The following MKLN1 variants were observed in gnomAD, a reference collection of about 807,000 sequenced individuals.
MKLN1 encodes muskelin 1.
A neutral mutation model predicts 99.0 loss-of-function variants in MKLN1; 18 were observed. The observed-to-expected ratio is 0.18, with a 90% CI of 0.13 to 0.27. MKLN1 has a LOEUF of 0.27. Ranked by LOEUF, MKLN1 falls within the 10% of genes least tolerant of loss-of-function variation. The probability of loss-of-function intolerance (pLI) is 1.00; values close to 1 mark genes in which losing one functional copy is unlikely to be tolerated. For synonymous variants in MKLN1, 288 were observed against 293.2 expected, an observed-to-expected ratio of 0.98 and a Z score of 0.18; for missense variants, 621 against 875.9, an observed-to-expected ratio of 0.71 and a Z score of 3.67.
chr7:131,327,974 C>G lies in MKLN1; in HGVS notation c.75C>G (p.Ser25=). 1 of 1,613,930 alleles carries G rather than the reference C, an allele frequency of 6.2e-7. No individual in the cohort carries two copies. Among genetic ancestry groups the G allele is most frequent in the East Asian group, 2.2e-5 (1 of 44,868 alleles). ...LLPYALHKWS[S]FSSTYLPENI... ...CCTACGCGCTACACAAGTGGAGCTC[C>G]TTTTCCTCCACCTACCTTCCCGAGT... Residue 25 remains serine (S), a synonymous_variant, in exon 1 of 18, where the codon TCC becomes TCG. Coordinates refer to ENST00000352689, the MANE Select transcript of MKLN1 (RefSeq NM_013255.5).
chr7:131,130,345 G>A (rs1795530656), intron 1 of MKLN1, among the ~76,000 whole-genome samples: 1 of 152,198 alleles, frequency 6.6e-6, no homozygotes, highest in East Asian at 1.9e-4. Flanking sequence ...GTTTGGTTAG[G>A]GAAAGAAAGT....
intron 5 of MKLN1, among the ~76,000 whole-genome samples, chr7:131,398,694 A>AAAAG (rs1794434670): frequency 6.6e-6 from 1 of 150,662 alleles, no homozygotes; most frequent in Non-Finnish European, 1.5e-5. Flanking sequence ...CTGTCTCAAA[A>AAAAG]AAAGAAAGAA....
At chr7:131,283,322 C>G (rs1241336428) in intron 3 of MKLN1, among the ~76,000 whole-genome samples, 1 of 96,512 alleles carries the variant, frequency 1.0e-5, no homozygotes, top group African/African-American at 5.0e-5. Flanking sequence ...TCCCTCCCTC[C>G]CTCCCTCCTT....
chr7:131,326,485 T>C (rs2116676208), upstream of MKLN1, among the ~76,000 whole-genome samples: 1 of 152,232 alleles, frequency 6.6e-6, no homozygotes, highest in South Asian at 2.1e-4. Flanking sequence ...GCTGAGATTA[T>C]AGGTGTATGT....
intron 3 of MKLN1, among the ~76,000 whole-genome samples, chr7:131,318,154 T>C (rs1312917691): frequency 6.6e-6 from 1 of 152,180 alleles, no homozygotes; most frequent in Non-Finnish European, 1.5e-5. Context: ...CAACAGAATA[T>C]ACATTCTTCT....
chr7:131,291,661 A>T (rs1798219631), intron 3 of MKLN1, among the ~76,000 whole-genome samples: 1 of 149,944 alleles, frequency 6.7e-6, no homozygotes, highest in Admixed American at 6.7e-5. Context: ...TTATGGCTGT[A>T]CTTAGGAATG....
intron 3 of MKLN1, among the ~76,000 whole-genome samples, chr7:131,306,510 G>A (rs1798470288): frequency 6.6e-6 from 1 of 152,176 alleles, no homozygotes; most frequent in African/African-American, 2.4e-5. Flanking sequence ...AACTCACTGG[G>A]AACTGGAGCA....
chr7:131,429,224 C>G (rs1319268838), intron 9 of MKLN1, 79 bp downstream of exon 9: 7 of 921,684 alleles, frequency 7.6e-6, no homozygotes, highest in Non-Finnish European at 1.2e-5. Flanking sequence ...TGATTATATT[C>G]TTCACTAATG....
rs1182285897 is a variant in MKLN1, at chr7:131,132,947, A to AGAAAGAAAG, written c.-418-9873_-418-9872insGAAAGAAAG. Among the ~76,000 whole-genome samples the AGAAAGAAAG allele has an allele frequency of 8.8e-3, 498 of 56,542 alleles. 1 individual carries two copies. The highest frequency in any genetic ancestry group is 0.018 in the African/African-American group (227 of 12,786). 37.1% of individuals were successfully genotyped at this position (56,542 alleles called of 152,430 possible). A position where few individuals can be genotyped will look rare whatever the true frequency, so the allele number is the denominator to read the frequency against. On this transcript the variant is annotated intron_variant, in intron 1 of 7. Transcript: ENST00000416992. ...TCTCAAAAAAAAAAAAAAAAAAAAA[A>AGAAAGAAAG]AAAGAAAGAAAGAAAGAAAGAAAGA...
intron 12 of MKLN1, among the ~76,000 whole-genome samples, chr7:131,459,328 A>C (rs1328594201): frequency 6.6e-6 from 1 of 152,200 alleles, no homozygotes; most frequent in Non-Finnish European, 1.5e-5. Flanking sequence ...AGGCAGAGGA[A>C]AGTTGGATCA....
intron 1 of MKLN1, among the ~76,000 whole-genome samples, chr7:131,342,059 A>G (rs1001085502): frequency 3.9e-5 from 6 of 152,112 alleles, no homozygotes; most frequent in Non-Finnish European, 5.9e-5. Context: ...TTTTGTGGAC[A>G]TGGTTTCATT....
At chr7:131,432,071 A>G (rs1051490537) in intron 9 of MKLN1, among the ~76,000 whole-genome samples, 1 of 152,230 alleles carries the variant, frequency 6.6e-6, no homozygotes, top group Non-Finnish European at 1.5e-5. Context: ...ATGGCTTACT[A>G]TAATGATTGG....
At chr7:131,328,182 G>T (rs1665936771) in intron 1 of MKLN1, 185 bp downstream of exon 1, 2 of 736,604 alleles carry the variant, frequency 2.7e-6, no homozygotes, top group Admixed American at 3.0e-5. Context: ...GAAGGGGTTA[G>T]GGTCCGGAGA....
At chr7:131,361,812 G>C (rs181169968) in intron 1 of MKLN1, among the ~76,000 whole-genome samples, 60 of 150,438 alleles carry the variant, frequency 4.0e-4, no homozygotes, top group African/African-American at 1.3e-3. Flanking sequence ...TTTTTGGTTA[G>C]CTCTATCTTT....
At chr7:131,410,392 A>G (rs1166860497) in intron 6 of MKLN1, among the ~76,000 whole-genome samples, 1 of 152,198 alleles carries the variant, frequency 6.6e-6, no homozygotes, top group Non-Finnish European at 1.5e-5. Flanking sequence ...GAATTAAATG[A>G]GATGAGACAG....
chr7:131,378,987 C>T (rs1034524176), intron 2 of MKLN1, among the ~76,000 whole-genome samples: 4 of 150,786 alleles, frequency 2.7e-5, no homozygotes, highest in African/African-American at 9.8e-5. Context: ...GAAAGAATTG[C>T]ATTGACACTC....
intron 2 of MKLN1, among the ~76,000 whole-genome samples, chr7:131,150,415 A>C (rs1795871849): frequency 6.6e-6 from 1 of 152,208 alleles, no homozygotes; most frequent in African/African-American, 2.4e-5. Flanking sequence ...TGAGCCCAGG[A>C]GGTCAAGACT....
chr7:131,248,213 GA>G (rs968668063), intron 3 of MKLN1, among the ~76,000 whole-genome samples: 6 of 151,436 alleles, frequency 4.0e-5, no homozygotes, highest in Admixed American at 6.6e-5. Context: ...GACGTGAGAA[GA>G]AAAAAAAGAA....
intron 6 of MKLN1, among the ~76,000 whole-genome samples, chr7:131,407,845 A>G (rs1794753990): frequency 6.6e-6 from 1 of 151,896 alleles, no homozygotes. Context: ...TTCTCACTGA[A>G]TCACTCCTTC....
Sources: allele counts gnomAD v4.1 joint callset (sites outside exome capture counted in the v4.1 genomes callset), GRCh38; gene constraint gnomAD v4.1.1; transcripts MANE v1.5; gene names NCBI Gene and HGNC (gene_info 2026-07-23, HGNC 2026-07-21).